The following PXDNL variants were observed in gnomAD, a reference collection of about 807,000 sequenced individuals.
The protein encoded by PXDNL is probable oxidoreductase PXDNL.
Under a neutral mutation model 150.8 loss-of-function variants are expected in PXDNL, and 145 were observed. The ratio of observed to expected loss-of-function variants is 0.96; its 90% CI spans 0.84 to 1.10. PXDNL has a LOEUF of 1.10. PXDNL is among the 50% of genes least tolerant of loss of function. The probability of loss-of-function intolerance (pLI) is 0.00; values close to 1 mark genes in which losing one functional copy is unlikely to be tolerated. For missense variants in PXDNL, 2,087 were observed against 1,873.9 expected (o/e 1.11, Z -2.10); for synonymous variants, 757 against 725.7 (o/e 1.04, Z -0.69).
Position 51,408,959 on chromosome 8 carries a change from G to C in PXDNL, c.2665C>G (p.Gln889Glu). The C allele has an allele frequency of 6.2e-7, 1 of 1,612,660 alleles. No homozygotes were observed. ...GAGCCATCGATGTAGGCTGTTTGCT[G>C]GTTGATCTGCTCTCGTGCATAGACT... ...DSVYAREQIN[Q>E]QTAYIDGSNV... The change falls in exon 17 of 23, where the codon CAG (glutamine) becomes GAG (glutamate). Residue 889 changes from glutamine to glutamate, a missense_variant. Gln to Glu is a conservative substitution (Grantham distance 29). Transcript: ENST00000356297.
At chr8:51,373,448 G>GT (rs1326368723) in intron 18 of PXDNL, among the ~76,000 whole-genome samples, 1 of 151,996 alleles carries the variant, frequency 6.6e-6, no homozygotes, top group Non-Finnish European at 1.5e-5. Context: ...CAAACTGAAG[G>GT]TTTTTCAATT....
intron 1 of PXDNL, among the ~76,000 whole-genome samples, chr8:51,663,928 A>G (rs1815327293): frequency 6.6e-6 from 1 of 151,912 alleles, no homozygotes; most frequent in Non-Finnish European, 1.5e-5. Flanking sequence ...GCACACGCCC[A>G]TGATCCCAGC....
rs745432118 is a variant in PXDNL, at chr8:51,809,267, G to A, written c.78C>T (p.Ser26=). The change falls in exon 1 of 23, where the codon AGC becomes AGT. Residue 26 remains serine, a synonymous_variant. Transcript: ENST00000356297. The part of the protein sequence containing the change: ...GWCLPGLPCP[S]RCLCFKSTVR... ...CGGTGCTCTTAAAGCAAAGGCACCG[G>A]CTGGGGCAGGGCAACCCTGGCAGGC... 2.5e-6 allele frequency: 4 copies of A among 1,603,592 alleles called. No individual in the cohort carries two copies. Among genetic ancestry groups the A allele is most frequent in the East Asian group, 2.2e-5 (1 of 44,538 alleles).
At position 51,760,845 on chromosome 8, in the gene PXDNL, C is replaced by CTTTTTTTTTTTTTTTTTTTTTT. The variant is rs71237237; in HGVS notation, c.164+48314_164+48335dup. On this transcript the variant is annotated intron_variant, in intron 1 of 22. Transcript: ENST00000356297. The stretch of plus-strand genomic sequence containing the variant: ...GTTAGCCTGAAGGAAATCACTTAAA[C>CTTTTTTTTTTTTTTTTTTTTTT]TTTTTTTTTTTTTTTTTTTTTTTTT... 4.2e-4 allele frequency among the ~76,000 whole-genome samples: 19 copies of CTTTTTTTTTTTTTTTTTTTTTT among 45,492 alleles called. 9 individuals carry two copies. Among genetic ancestry groups the CTTTTTTTTTTTTTTTTTTTTTT allele is most frequent in the Non-Finnish European group, 5.6e-4 (15 of 26,652 alleles). The allele number at this position is 45,492 out of a possible 152,430, so 29.8% of individuals were successfully genotyped here.
chr8:51,344,471 T>C (rs1761807945), intron 20 of PXDNL, among the ~76,000 whole-genome samples: 1 of 152,104 alleles, frequency 6.6e-6, no homozygotes, highest in African/African-American at 2.4e-5. Context: ...CTTTCAGACT[T>C]GGACTCCCCT....
chr8:51,482,458 G>A (rs888571208), intron 6 of PXDNL, among the ~76,000 whole-genome samples: 1 of 152,170 alleles, frequency 6.6e-6, no homozygotes, highest in African/African-American at 2.4e-5. Flanking sequence ...TTGAGTTAAT[G>A]CTGAAATGAG....
chr8:51,489,342 G>C (rs578026134), intron 5 of PXDNL, among the ~76,000 whole-genome samples: 4 of 152,206 alleles, frequency 2.6e-5, no homozygotes, highest in Middle Eastern at 3.4e-3. Flanking sequence ...TTAGAGACAG[G>C]TTCTCACCCT....
intron 2 of PXDNL, among the ~76,000 whole-genome samples, chr8:51,615,551 C>T (rs1328195523): frequency 1.3e-5 from 2 of 152,004 alleles, no homozygotes; most frequent in African/African-American, 2.4e-5. Flanking sequence ...GAGGAAAAGG[C>T]TGGAAATGGA....
At chr8:51,480,473 G>T (rs1263763276) in intron 6 of PXDNL, among the ~76,000 whole-genome samples, 1 of 152,098 alleles carries the variant, frequency 6.6e-6, no homozygotes, top group African/African-American at 2.4e-5. Flanking sequence ...ACTCAATATT[G>T]GGAGGACAGC....
chr8:51,488,458 G>C (rs566069703), intron 5 of PXDNL, among the ~76,000 whole-genome samples: 1 of 152,134 alleles, frequency 6.6e-6, no homozygotes, highest in East Asian at 1.9e-4. Flanking sequence ...ACAGAACACC[G>C]ACAGCTAAGA....
At chr8:51,793,201 A>C (rs1020965351) in intron 1 of PXDNL, among the ~76,000 whole-genome samples, 2 of 152,234 alleles carry the variant, frequency 1.3e-5, no homozygotes, top group Admixed American at 1.3e-4. Flanking sequence ...TCTGGAGTGG[A>C]CCCCCAGGAA....
At position 51,668,745 on chromosome 8, in the gene PXDNL, C is replaced by A. The variant is rs191890618; in HGVS notation, c.165-13985G>T. Among the ~76,000 whole-genome samples, 51 of 152,266 alleles carry A rather than the reference C, an allele frequency of 3.3e-4. No homozygotes were observed. The East Asian group carries it at 8.3e-3, about 25-fold the overall frequency. On this transcript the variant is annotated intron_variant, in intron 1 of 22. Transcript: ENST00000356297. ...ATTCCAATAGTATATTAAACAATAT[C>A]ATCTTCTTTTCAAAAAATTATTCTT...
chr8:51,790,660 C>A (rs1405031571), intron 1 of PXDNL, among the ~76,000 whole-genome samples: 1 of 151,972 alleles, frequency 6.6e-6, no homozygotes, highest in Non-Finnish European at 1.5e-5. Flanking sequence ...CACTGTCCTC[C>A]CTGATGGGCG....
chr8:51,497,472 G>A (rs1811077935), intron 5 of PXDNL, among the ~76,000 whole-genome samples: 1 of 152,170 alleles, frequency 6.6e-6, no homozygotes, highest in Non-Finnish European at 1.5e-5. Flanking sequence ...CACAGCAAAA[G>A]AAACTACCAT....
chr8:51,718,627 T>C (rs1816663644), intron 1 of PXDNL, among the ~76,000 whole-genome samples: 1 of 152,214 alleles, frequency 6.6e-6, no homozygotes, highest in Admixed American at 6.5e-5. Context: ...AGTTATAGTT[T>C]TCATAGAATT....
At chr8:51,801,666 G>A (rs921050137) in intron 1 of PXDNL, among the ~76,000 whole-genome samples, 3 of 152,152 alleles carry the variant, frequency 2.0e-5, no homozygotes, top group East Asian at 1.9e-4. Flanking sequence ...GCTGGTTCCC[G>A]ATAAAGAACA....
chr8:51,502,410 C>A (rs2130301444), intron 4 of PXDNL, among the ~76,000 whole-genome samples: 1 of 152,266 alleles, frequency 6.6e-6, no homozygotes, highest in South Asian at 2.1e-4. Flanking sequence ...CAAAGCCAAT[C>A]AATGGTAAAT....
In PXDNL at chr8:51,779,253, T is replaced by C. The variant is rs1475217911; in HGVS notation, c.164+29928A>G. ...CTCCCCTATGCACCTCATCAACCAG[T>C]TTCCAAGTGTCCTCTAGGCCAAGGC... On this transcript the variant is annotated intron_variant, in intron 1 of 22. Coordinates refer to ENST00000356297, the MANE Select transcript of PXDNL (RefSeq NM_144651.5). Among the ~76,000 whole-genome samples, 6 of 152,122 alleles carry C rather than the reference T, an allele frequency of 3.9e-5. No homozygotes were observed. The East Asian group carries it at 1.2e-3, about 29-fold the overall frequency.
At chr8:51,679,408 C>T in intron 1 of PXDNL, among the ~76,000 whole-genome samples, 1 of 152,152 alleles carries the variant, frequency 6.6e-6, no homozygotes, top group East Asian at 1.9e-4. Flanking sequence ...CCTAAAACAC[C>T]CTAGGTCAGT....
Sources: allele counts gnomAD v4.1 joint callset (sites outside exome capture counted in the v4.1 genomes callset), GRCh38; gene constraint gnomAD v4.1.1; transcripts MANE v1.5; gene names NCBI Gene and HGNC (gene_info 2026-07-23, HGNC 2026-07-21).